Variants in ZWILCH observed in about 807,000 individuals in gnomAD.
ZWILCH encodes protein zwilch homolog.
In ZWILCH, 74 loss-of-function variants were observed where a neutral mutation model predicts 79.9. The ratio of observed to expected loss-of-function variants is 0.93; its 90% CI spans 0.77 to 1.12. The LOEUF is 1.12. ZWILCH is among the 50% of genes most tolerant of loss of function. ZWILCH has a pLI of 0.00. For missense variants in ZWILCH, 694 were observed against 687.5 expected, an observed-to-expected ratio of 1.01 and a Z score of -0.11; for synonymous variants, 241 against 228.2, an observed-to-expected ratio of 1.06 and a Z score of -0.51.
intron 2 of ZWILCH, among the ~76,000 whole-genome samples, chr15:66,512,333 A>G (rs1894098036): frequency 6.6e-6 from 1 of 151,900 alleles, no homozygotes; most frequent in African/African-American, 2.4e-5. Flanking sequence ...ATCAAAGTTC[A>G]CTGCGGCCTC....
At chr15:66,515,762 C>T in intron 4 of ZWILCH, 118 bp downstream of exon 4, 2 of 739,006 alleles carry the variant, frequency 2.7e-6, no homozygotes, top group Non-Finnish European at 4.8e-6. Context: ...TCCCCCACCC[C>T]CTGATAAGTA....
At position 66,508,797 on chromosome 15, in the gene ZWILCH, G is replaced by C. The variant is rs1426212003; in HGVS notation, c.54-44G>C. On this transcript the variant is annotated intron_variant, in intron 1 of 18. Transcript: ENST00000307897. Reference sequence around the variant, plus strand: ...TGACTCCTGAGTGTGAATAACGGGAGAGATAATGTAGTTCTGTTTTTCACA... The same window carrying C: ...TGACTCCTGAGTGTGAATAACGGGACAGATAATGTAGTTCTGTTTTTCACA... The C allele has an allele frequency of 2.5e-6, 4 of 1,611,990 alleles. No individual in the cohort carries two copies. In the East Asian group the frequency reaches 8.9e-5, roughly 36 times the overall value.
At chr15:66,530,853 A>G (rs762334764) in intron 12 of ZWILCH, among the ~76,000 whole-genome samples, 20 of 152,206 alleles carry the variant, frequency 1.3e-4, no homozygotes, top group Admixed American at 2.6e-4. Context: ...AAGGCATGCA[A>G]GCTCTGCTTA....
chr15:66,524,080 G>A (rs1023226680), intron 8 of ZWILCH, among the ~76,000 whole-genome samples: 1 of 151,580 alleles, frequency 6.6e-6, no homozygotes, highest in Admixed American at 6.6e-5. Context: ...CTACTTTGTG[G>A]CTATTATGAA....
rs1168686061 is a variant in ZWILCH at position 66,549,992 on chromosome 15, A to T, written c.*1668A>T. On this transcript the variant is annotated 3_prime_UTR_variant, in exon 19 of 19. Transcript: ENST00000307897. The stretch of plus-strand genomic sequence containing the variant: ...TGAGATTTTGAAAATGATATGTATA[A>T]TTATTTAGTTTAATTATTAAAGGAA... 4 of 1,287,854 alleles carry T rather than the reference A, an allele frequency of 3.1e-6. No individual in the cohort carries two copies. The highest frequency in any genetic ancestry group is 4.3e-6 in the Non-Finnish European group (4 of 931,384). 79.8% of individuals were successfully genotyped at this position (1,287,854 alleles called of 1,614,324 possible).
At position 66,535,960 on chromosome 15, in the gene ZWILCH, A is replaced by T; in HGVS notation, c.1369A>T (p.Ile457Leu). 6.2e-7 allele frequency: 1 copy of T among 1,608,854 alleles called. No homozygotes were observed. Among genetic ancestry groups the T allele is most frequent in the Non-Finnish European group, 8.5e-7 (1 of 1,178,774 alleles). ...ATACTTCATTGCTCCATCAGTAGAT[A>T]TACAAGAACAGGTTTATCGTGTCCA... The part of the protein sequence containing the change: ...LEYFIAPSVD[I>L]QEQVYRVQKL... The change falls in exon 15 of 19, where the codon ATA becomes TTA. Residue 457 changes from isoleucine (I) to leucine (L), a missense_variant. Ile to Leu is a conservative substitution (Grantham distance 5). Transcript: ENST00000307897.
intron 4 of ZWILCH, among the ~76,000 whole-genome samples, chr15:66,516,090 A>C (rs1894243728): frequency 6.6e-6 from 1 of 152,200 alleles, no homozygotes; most frequent in African/African-American, 2.4e-5. Flanking sequence ...TACCATACCC[A>C]GAGGGAATTG....
At chr15:66,519,594 C>T (rs34782096) in intron 5 of ZWILCH, among the ~76,000 whole-genome samples, 8,491 of 152,182 alleles carry the variant, frequency 0.056, 329 homozygotes, top group Middle Eastern at 0.11. Flanking sequence ...GCTGGGATTA[C>T]AGGCACCTGC....
At chr15:66,532,755 T>C (rs1269003594) in intron 13 of ZWILCH, among the ~76,000 whole-genome samples, 4 of 152,162 alleles carry the variant, frequency 2.6e-5, no homozygotes, top group South Asian at 4.1e-4. Flanking sequence ...ATTTTTAGAA[T>C]AAATATTAGT....
At chr15:66,515,817 C>G (rs1000148401) in intron 4 of ZWILCH, among the ~76,000 whole-genome samples, 173 bp downstream of exon 4, 1 of 152,118 alleles carries the variant, frequency 6.6e-6, no homozygotes, top group Non-Finnish European at 1.5e-5. Context: ...ATAGGTATCC[C>G]AAATGTGACC....
chr15:66,542,617 A>C (rs2140810134), intron 17 of ZWILCH, among the ~76,000 whole-genome samples: 1 of 152,320 alleles, frequency 6.6e-6, no homozygotes, highest in East Asian at 1.9e-4. Flanking sequence ...TGTTCAGAAA[A>C]GGGGATATAT....
At chr15:66,523,417 G>A (rs931163805) in intron 7 of ZWILCH, 2 of 315,390 alleles carry the variant, frequency 6.3e-6, no homozygotes, top group Non-Finnish European at 1.2e-5. Flanking sequence ...TGTGTGAGGA[G>A]GGCAGTTGTT....
chr15:66,540,259 A>G (rs1023118096), intron 17 of ZWILCH, 49 bp downstream of exon 17: 23 of 1,490,582 alleles, frequency 1.5e-5, no homozygotes, highest in Non-Finnish European at 2.1e-5. Flanking sequence ...AACAGAAAAT[A>G]AACTAAGTCT....
In ZWILCH at chr15:66,548,420, C is replaced by G; in HGVS notation, c.*96C>G. 1.4e-6 allele frequency: 1 copy of G among 735,490 alleles called. No individual in the cohort carries two copies. Among genetic ancestry groups the G allele is most frequent in the Non-Finnish European group, 2.3e-6 (1 of 440,274 alleles). The allele number at this position is 735,490 out of a possible 1,614,324, so 45.6% of individuals were successfully genotyped here. A position where few individuals can be genotyped will look rare whatever the true frequency, so the allele number is the denominator to read the frequency against. On this transcript the variant is annotated 3_prime_UTR_variant, in exon 19 of 19. Transcript: ENST00000307897. ...ACCTGAAAACAGCAATGTATGGAAA[C>G]CCTCAAAGCAGAAAAGGGAGGAAGA...
Position 66,550,093 on chromosome 15 carries a change from C to A in ZWILCH, c.*1769C>A. The A allele has an allele frequency of 6.2e-7, 1 of 1,601,034 alleles. No homozygotes were observed. Among genetic ancestry groups the A allele is most frequent in the Non-Finnish European group, 8.5e-7 (1 of 1,174,142 alleles). Reference sequence around the variant, plus strand: ...AGCAAGTTTCCAAAGCTTTGAGGTACCAACTTTCCACCTAATAAAAACCCA... The same window carrying A: ...AGCAAGTTTCCAAAGCTTTGAGGTAACAACTTTCCACCTAATAAAAACCCA... On this transcript the variant is annotated 3_prime_UTR_variant, in exon 19 of 19. Coordinates refer to ENST00000307897, the MANE Select transcript of ZWILCH (RefSeq NM_017975.5).
intron 8 of ZWILCH, among the ~76,000 whole-genome samples, chr15:66,524,133 A>C (rs1894596866): frequency 6.6e-6 from 1 of 152,150 alleles, no homozygotes; most frequent in African/African-American, 2.4e-5. Flanking sequence ...TTGTGTAGAC[A>C]TGTTTTCACA....
intron 16 of ZWILCH, among the ~76,000 whole-genome samples, chr15:66,537,555 G>A (rs1461028038): frequency 1.3e-5 from 2 of 152,056 alleles, no homozygotes; most frequent in Non-Finnish European, 2.9e-5. Flanking sequence ...GCTGGGCATG[G>A]TGGCATGCAC....
chr15:66,540,775 C>T (rs1310968115), intron 17 of ZWILCH, among the ~76,000 whole-genome samples: 2 of 149,756 alleles, frequency 1.3e-5, no homozygotes, highest in Admixed American at 6.6e-5. Context: ...ATTACAGGTA[C>T]GTGCTACCAC....
chr15:66,548,663 C>T lies in ZWILCH; in HGVS notation c.*339C>T. ...GAGAACAGGATCATTTTAGTAAATA[C>T]AGCTTTATCCCAAAAGCTTTAACTG... On this transcript the variant is annotated 3_prime_UTR_variant, in exon 19 of 19. Coordinates refer to ENST00000307897, the MANE Select transcript of ZWILCH (RefSeq NM_017975.5). 1.2e-6 allele frequency: 1 copy of T among 860,386 alleles called. No homozygotes were observed. The highest frequency in any genetic ancestry group is 2.0e-6 in the Non-Finnish European group (1 of 510,258). 53.3% of individuals were successfully genotyped at this position (860,386 alleles called of 1,614,324 possible). A position where few individuals can be genotyped will look rare whatever the true frequency, so the allele number is the denominator to read the frequency against.
Sources: gnomAD v4.1 joint callset for allele counts (sites outside exome capture counted in the v4.1 genomes callset) on GRCh38, gnomAD v4.1.1 for gene constraint, MANE v1.5 for transcripts, NCBI Gene and HGNC (gene_info 2026-07-23, HGNC 2026-07-21) for gene names.